The following TRIM71 variants were observed in gnomAD, a reference collection of about 807,000 sequenced individuals.
TRIM71 encodes E3 ubiquitin-protein ligase TRIM71.
In TRIM71, 9 loss-of-function variants were observed where a neutral mutation model predicts 61.2. The ratio of observed to expected loss-of-function variants is 0.15; its 90% CI spans 0.09 to 0.26. TRIM71 has a LOEUF of 0.26. Among genes scored for constraint, TRIM71 ranks in the 10% least tolerant of loss-of-function variants. The probability of loss-of-function intolerance (pLI) is 1.00; values close to 1 mark genes in which losing one functional copy is unlikely to be tolerated. For synonymous variants in TRIM71, 645 were observed against 553.2 expected, an observed-to-expected ratio of 1.17 and a Z score of -2.33; for missense variants, 998 against 1,238.7, an observed-to-expected ratio of 0.81 and a Z score of 2.92.
chr3:32,834,095 T>C (rs1696305737), intron 1 of TRIM71, among the ~76,000 whole-genome samples: 1 of 152,230 alleles, frequency 6.6e-6, no homozygotes, highest in Admixed American at 6.5e-5. Flanking sequence ...TCTGTTCAGC[T>C]GTGGACTGAC....
intron 3 of TRIM71, among the ~76,000 whole-genome samples, chr3:32,886,915 C>T (rs1696967986): frequency 6.6e-6 from 1 of 152,176 alleles, no homozygotes; most frequent in African/African-American, 2.4e-5. Context: ...ATGCTTTCTG[C>T]CTCTTCTGAC....
intron 1 of TRIM71, among the ~76,000 whole-genome samples, chr3:32,869,622 C>G (rs1307771040): frequency 6.6e-6 from 1 of 152,218 alleles, no homozygotes; most frequent in Non-Finnish European, 1.5e-5. Context: ...TACAAACATG[C>G]CTACTTTGTA....
At chr3:32,883,416 G>C (rs1696929662) in intron 2 of TRIM71, among the ~76,000 whole-genome samples, 1 of 152,232 alleles carries the variant, frequency 6.6e-6, no homozygotes, top group Admixed American at 6.5e-5. Flanking sequence ...CCCTCAGGAA[G>C]ACTCATTGCT....
At chr3:32,819,065 G>A in intron 1 of TRIM71, 133 bp downstream of exon 1, 1 of 974,098 alleles carries the variant, frequency 1.0e-6, no homozygotes, top group Non-Finnish European at 1.6e-6. Context: ...TGGCTACGTG[G>A]CAGTCCTTGC....
intron 1 of TRIM71, among the ~76,000 whole-genome samples, chr3:32,842,720 TACAG>T (rs3084562): frequency 0.96 from 145,707 of 151,864 alleles, 70,190 homozygotes; most frequent in East Asian, 1. Context: ...TGTCCCCTTA[TACAG>T]ACAGGCCTTA....
chr3:32,818,624 G>A lies in TRIM71; in HGVS notation c.544G>A (p.Gly182Ser). The A allele has an allele frequency of 7.0e-7, 1 of 1,436,464 alleles. No individual in the cohort carries two copies. The highest frequency in any genetic ancestry group is 1.4e-5 in the South Asian group (1 of 70,824). The allele number at this position is 1,436,464 out of a possible 1,614,324, so 89.0% of individuals were successfully genotyped here. Residue 182 changes from glycine to serine, a missense_variant, in exon 1 of 4, where the codon GGC (glycine) becomes AGC (serine). Gly to Ser is a moderately conservative substitution (Grantham distance 56). Coordinates refer to ENST00000383763, the MANE Select transcript of TRIM71 (RefSeq NM_001039111.3). ...QPPAPSRSAP[G>S]GPAASPSALL... ...GCCCGCGCCTTCCCGCTCGGCACCC[G>A]GCGGCCCTGCCGCTTCCCCGTCGGC...
chr3:32,818,945 G>A lies in TRIM71; in HGVS notation c.852+13G>A. The A allele has an allele frequency of 6.2e-7, 1 of 1,609,688 alleles. No homozygotes were observed. Among genetic ancestry groups the A allele is most frequent in the Non-Finnish European group, 8.5e-7 (1 of 1,179,030 alleles). On this transcript the variant is annotated intron_variant, in intron 1 of 3. Coordinates refer to ENST00000383763, the MANE Select transcript of TRIM71 (RefSeq NM_001039111.3). ...CCACGACGACGAGGTGAGTGCGTGGGGGCGTGTGTTTGTGTCCATCGGATA... is the reference window on the plus strand; with the variant it reads ...CCACGACGACGAGGTGAGTGCGTGGAGGCGTGTGTTTGTGTCCATCGGATA...
In TRIM71 at chr3:32,890,264, C is replaced by G. The variant is rs1697009913; in HGVS notation, c.1156-96C>G. The G allele has an allele frequency of 1.4e-6, 2 of 1,465,282 alleles. No homozygotes were observed. The highest frequency in any genetic ancestry group is 1.8e-6 in the Non-Finnish European group (2 of 1,087,958). The allele number at this position is 1,465,282 out of a possible 1,614,324, so 90.8% of individuals were successfully genotyped here. A position where few individuals can be genotyped will look rare whatever the true frequency, so the allele number is the denominator to read the frequency against. On this transcript the variant is annotated intron_variant, in intron 3 of 3. Transcript: ENST00000383763. This position sits in a 1 kb window ranked among gnomAD's most constrained non-coding sequence, Gnocchi z 6.2. Reference sequence around the variant, plus strand: ...AGACCATCCCACAATATGTGTTTGTCTGATGCTTCCTTGTGATTAGTTGTG... The same window carrying G: ...AGACCATCCCACAATATGTGTTTGTGTGATGCTTCCTTGTGATTAGTTGTG...
At chr3:32,821,346 A>G (rs1367468070) in intron 1 of TRIM71, among the ~76,000 whole-genome samples, 1 of 152,080 alleles carries the variant, frequency 6.6e-6, no homozygotes, top group Non-Finnish European at 1.5e-5. Flanking sequence ...TCCGTTAAAT[A>G]ATTCAGAGTA....
In TRIM71 at chr3:32,868,101, T is replaced by C. The variant is rs373048726; in HGVS notation, c.853-5717T>C. 2.0e-5 allele frequency among the ~76,000 whole-genome samples: 3 copies of C among 152,168 alleles called. No individual in the cohort carries two copies. The East Asian group carries it at 5.8e-4, about 29-fold the overall frequency. On this transcript the variant is annotated intron_variant, in intron 1 of 3. Coordinates refer to ENST00000383763, the MANE Select transcript of TRIM71 (RefSeq NM_001039111.3). ...GCTCCTCTTGTAGGCCCCTTTTCAA[T>C]GTTGGCACCCATCAAAGCCTTCCAC...
At chr3:32,844,078 C>T (rs756995693) in intron 1 of TRIM71, among the ~76,000 whole-genome samples, 31 of 152,196 alleles carry the variant, frequency 2.0e-4, no homozygotes, top group African/African-American at 3.4e-4. Flanking sequence ...CCACTATGTG[C>T]TTACCCATGC....
At chr3:32,886,218 G>GC (rs1696960399) in intron 3 of TRIM71, 150 bp downstream of exon 3, 1 of 1,115,736 alleles carries the variant, frequency 9.0e-7, no homozygotes, top group East Asian at 2.8e-5. Flanking sequence ...GCAGAAAGAT[G>GC]CAGGGGGTCC....
At position 32,892,728 on chromosome 3, in the gene TRIM71, A is replaced by G. The variant is rs919002465; in HGVS notation, c.*917A>G. 6.6e-6 allele frequency: 1 copy of G among 152,198 alleles called. No homozygotes were observed. The highest frequency in any genetic ancestry group is 2.4e-5 in the African/African-American group (1 of 41,440). The allele number at this position is 152,198 out of a possible 1,614,324, so 9.4% of individuals were successfully genotyped here. A position where few individuals can be genotyped will look rare whatever the true frequency, so the allele number is the denominator to read the frequency against. On this transcript the variant is annotated 3_prime_UTR_variant, in exon 4 of 4. Coordinates refer to ENST00000383763, the MANE Select transcript of TRIM71 (RefSeq NM_001039111.3). ...GGATTTTTGATTAAACATATTCTCA[A>G]AAGTTATGCTTTCTTATTTTGCTGT...
intron 1 of TRIM71, among the ~76,000 whole-genome samples, chr3:32,820,601 G>T (rs1696116163): frequency 6.6e-6 from 1 of 152,140 alleles, no homozygotes; most frequent in Admixed American, 6.5e-5. Flanking sequence ...TTGAATCCAG[G>T]AGTTTCCCCT....
At position 32,818,313 on chromosome 3, in the gene TRIM71, C is replaced by G; in HGVS notation, c.233C>G (p.Ala78Gly). 7.0e-7 allele frequency: 1 copy of G among 1,435,254 alleles called. No homozygotes were observed. Among genetic ancestry groups the G allele is most frequent in the Non-Finnish European group, 9.1e-7 (1 of 1,099,740 alleles). 88.9% of individuals were successfully genotyped at this position (1,435,254 alleles called of 1,614,324 possible). The change falls in exon 1 of 4, where the codon GCG becomes GGG. Residue 78 changes from alanine (A) to glycine (G), a missense_variant. Ala to Gly is a moderately conservative substitution (Grantham distance 60). Transcript: ENST00000383763. ...CTCGAGGCGCACCGGCTGCCGGCGG[C>G]GGGCGGCGGCGCGGCGGGAGAGCCG... ...PCLEAHRLPAAGGGAAGEPLK... is the reference protein window; with the variant it reads ...PCLEAHRLPAGGGGAAGEPLK...
Position 32,894,810 on chromosome 3 carries a change from TCTC to T in TRIM71, c.*3002_*3004del, listed in dbSNP as rs1286544571. The T allele has an allele frequency of 1.3e-5, 2 of 152,140 alleles. No homozygotes were observed. Among genetic ancestry groups the T allele is most frequent in the Non-Finnish European group, 2.9e-5 (2 of 68,030 alleles). The allele number at this position is 152,140 out of a possible 1,614,324, so 9.4% of individuals were successfully genotyped here. ...AAAGTACCTGTGTTTAAATGCATAA[TCTC>T]CTGCCCGGGTAATGCCAGGTAGCCA... On this transcript the variant is annotated 3_prime_UTR_variant, in exon 4 of 4. Coordinates refer to ENST00000383763, the MANE Select transcript of TRIM71 (RefSeq NM_001039111.3).
Position 32,818,071 on chromosome 3 carries a change from T to A in TRIM71, c.-10T>A. ...CTCTGGTCTCCTCCCTCCTCCGGGC[T>A]GGGTTGCAAATGGCTTCGTTCCCCG... On this transcript the variant is annotated 5_prime_UTR_variant, in exon 1 of 4. Transcript: ENST00000383763. 1 of 1,610,022 alleles carries A rather than the reference T, an allele frequency of 6.2e-7. No individual in the cohort carries two copies. Among genetic ancestry groups the A allele is most frequent in the Non-Finnish European group, 8.5e-7 (1 of 1,177,730 alleles).
At chr3:32,841,128 C>CT (rs1696400299) in intron 1 of TRIM71, among the ~76,000 whole-genome samples, 2 of 151,486 alleles carry the variant, frequency 1.3e-5, no homozygotes, top group Middle Eastern at 3.5e-3. Flanking sequence ...GCCTGTAGTC[C>CT]TAGCTACTCG....
At chr3:32,851,120 C>CA in intron 1 of TRIM71, among the ~76,000 whole-genome samples, 1 of 152,310 alleles carries the variant, frequency 6.6e-6, no homozygotes, top group East Asian at 1.9e-4. Context: ...TCAGCTTACA[C>CA]ATTTTAAAAC....
Sources: gnomAD v4.1 joint callset for allele counts (sites outside exome capture counted in the v4.1 genomes callset) on GRCh38, gnomAD v4.1.1 for gene constraint, Gnocchi (gnomAD v3.1) non-coding constraint, MANE v1.5 for transcripts, NCBI Gene and HGNC (gene_info 2026-07-23, HGNC 2026-07-21) for gene names.